The following DPYSL5 variants were observed in gnomAD, a reference collection of about 807,000 sequenced individuals.
DPYSL5 encodes dihydropyrimidinase like 5, also known as dihydropyrimidinase-related protein 5.
A neutral mutation model predicts 58.4 loss-of-function variants in DPYSL5; 9 were observed. The ratio of observed to expected loss-of-function variants is 0.15; its 90% CI spans 0.09 to 0.27. DPYSL5 has a LOEUF of 0.27. DPYSL5 is among the 10% of genes least tolerant of loss of function. The pLI is 1.00. For missense variants in DPYSL5, 499 were observed against 770.6 expected (o/e 0.65, Z 4.17); for synonymous variants, 293 against 301.9 (o/e 0.97, Z 0.31).
At chr2:26,879,034 C>G (rs1220785994) in intron 1 of DPYSL5, among the ~76,000 whole-genome samples, 1 of 152,222 alleles carries the variant, frequency 6.6e-6, no homozygotes, top group East Asian at 1.9e-4. Context: ...GCATATCCTT[C>G]CACTACCAAC....
At position 26,906,956 on chromosome 2, in the gene DPYSL5, C is replaced by T. The variant is rs563942134; in HGVS notation, c.261+8196C>T. Among the ~76,000 whole-genome samples the T allele has an allele frequency of 1.2e-4, 18 of 151,910 alleles. 1 individual carries two copies. In the South Asian group the frequency reaches 1.5e-3, roughly 12 times the overall value. ...TTTTATTTTTATTTTTTGTAGAGAC[C>T]GGATCTTGCTATGTTGCCCAGGCTG... is the stretch of plus-strand genomic sequence containing the variant. On this transcript the variant is annotated intron_variant, in intron 2 of 12. Coordinates refer to ENST00000288699, the MANE Select transcript of DPYSL5 (RefSeq NM_020134.4).
intron 2 of DPYSL5, among the ~76,000 whole-genome samples, chr2:26,916,038 C>T (rs1664553381): frequency 6.6e-6 from 1 of 152,132 alleles, no homozygotes; most frequent in Admixed American, 6.5e-5. Context: ...TCTTAATCAG[C>T]TCTATCTCCA....
chr2:26,916,005 A>G (rs1292902001), intron 2 of DPYSL5, among the ~76,000 whole-genome samples: 2 of 152,088 alleles, frequency 1.3e-5, no homozygotes, highest in Non-Finnish European at 2.9e-5. Context: ...ATTATTAGCA[A>G]TTTTCATCAA....
chr2:26,895,503 T>C lies in DPYSL5; in HGVS notation c.-4-2993T>C, dbSNP rs1162635254. On this transcript the variant is annotated intron_variant, in intron 1 of 12. Coordinates refer to ENST00000288699, the MANE Select transcript of DPYSL5 (RefSeq NM_020134.4). ...ATTTGTTGTGTGCAACATGATGTTT[T>C]GAAGCACATACGCATTGTGGAATGA... 3.2e-4 allele frequency among the ~76,000 whole-genome samples: 48 copies of C among 152,208 alleles called. 1 individual carries two copies. Among genetic ancestry groups the C allele is most frequent in the Non-Finnish European group, 4.4e-5 (3 of 68,036 alleles).
intron 1 of DPYSL5, among the ~76,000 whole-genome samples, chr2:26,888,255 T>TTCTTTCG (rs1553316482): frequency 1.8e-5 from 2 of 108,188 alleles, no homozygotes; most frequent in South Asian, 2.8e-4. Flanking sequence ...CTTTCTTTCT[T>TTCTTTCG]TCTTTCTTTC....
chr2:26,936,270 G>C (rs116362856), intron 8 of DPYSL5, among the ~76,000 whole-genome samples: 1,762 of 152,346 alleles, frequency 0.012, 32 homozygotes, highest in African/African-American at 0.04. Context: ...TGCAGGAGCA[G>C]TGGAGGGAAG....
chr2:26,941,940 A>G lies in DPYSL5; in HGVS notation c.1090-10A>G. On this transcript the variant is annotated splice_polypyrimidine_tract_variant and intron_variant, in intron 9 of 12. Transcript: ENST00000288699. Reference sequence around the variant, plus strand: ...GCCTGGTTGACTTGACACTTTCTGCAACATTTCAGGTTGGAGGAAAGATGG... The same window carrying G: ...GCCTGGTTGACTTGACACTTTCTGCGACATTTCAGGTTGGAGGAAAGATGG... The G allele has an allele frequency of 6.2e-7, 1 of 1,614,112 alleles. No homozygotes were observed. Among genetic ancestry groups the G allele is most frequent in the Non-Finnish European group, 8.5e-7 (1 of 1,180,034 alleles).
intron 2 of DPYSL5, among the ~76,000 whole-genome samples, chr2:26,910,075 C>A (rs1003120450): frequency 3.3e-5 from 5 of 152,134 alleles, no homozygotes; most frequent in Non-Finnish European, 7.4e-5. Flanking sequence ...GATTAGTTTG[C>A]ATTTTCTACT....
chr2:26,944,516 C>A lies in DPYSL5; in HGVS notation c.1441-140C>A. On this transcript the variant is annotated intron_variant, in intron 11 of 12. Coordinates refer to ENST00000288699, the MANE Select transcript of DPYSL5 (RefSeq NM_020134.4). The surrounding 1 kb of genome is among the most constrained non-coding windows in gnomAD (Gnocchi z 4.4). The stretch of plus-strand genomic sequence containing the variant: ...CCCCTGGACTCAATGTTTAAGAAGC[C>A]TTGGTCACTTGCAGTGATTTGGGTC... 2.2e-6 allele frequency: 2 copies of A among 923,134 alleles called. No homozygotes were observed. Among genetic ancestry groups the A allele is most frequent in the Non-Finnish European group, 3.3e-6 (2 of 612,980 alleles). The allele number at this position is 923,134 out of a possible 1,614,324, so 57.2% of individuals were successfully genotyped here.
intron 1 of DPYSL5, among the ~76,000 whole-genome samples, chr2:26,876,551 C>T (rs576792861): frequency 1.4e-4 from 22 of 152,170 alleles, no homozygotes; most frequent in Admixed American, 2.6e-4. Flanking sequence ...GAGTTTTGCT[C>T]GTCACCCAGG....
chr2:26,906,366 T>G (rs1186246319), intron 2 of DPYSL5, among the ~76,000 whole-genome samples: 2 of 151,996 alleles, frequency 1.3e-5, no homozygotes, highest in African/African-American at 4.8e-5. Flanking sequence ...GTATTCTTAG[T>G]AGAGATGAGG....
At position 26,925,562 on chromosome 2, in the gene DPYSL5, A is replaced by G. The variant is rs1478530991; in HGVS notation, c.420+517A>G. Reference sequence around the variant, plus strand: ...GGGCCCAGCTTCTGCTCTGAGAAGCATCGAGGCTGTCCTGGTCTGTGACTG... The same window carrying G: ...GGGCCCAGCTTCTGCTCTGAGAAGCGTCGAGGCTGTCCTGGTCTGTGACTG... On this transcript the variant is annotated intron_variant, in intron 3 of 12. Coordinates refer to ENST00000288699, the MANE Select transcript of DPYSL5 (RefSeq NM_020134.4). The surrounding 1 kb of genome is among the most constrained non-coding windows in gnomAD (Gnocchi z 4.5). 2.6e-5 allele frequency among the ~76,000 whole-genome samples: 4 copies of G among 152,366 alleles called. No individual in the cohort carries two copies. In the East Asian group the frequency reaches 7.7e-4, roughly 29 times the overall value.
At chr2:26,882,234 G>A (rs897217411) in intron 1 of DPYSL5, among the ~76,000 whole-genome samples, 1 of 151,340 alleles carries the variant, frequency 6.6e-6, no homozygotes, top group Non-Finnish European at 1.5e-5. Context: ...TGATTTTAAA[G>A]TACAATATTT....
chr2:26,919,121 G>T (rs373622927), intron 2 of DPYSL5, among the ~76,000 whole-genome samples: 2 of 152,198 alleles, frequency 1.3e-5, no homozygotes, highest in African/African-American at 2.4e-5. Flanking sequence ...ATGCCGTGAT[G>T]TCAGCAAATA....
At chr2:26,885,924 C>T (rs544374197) in intron 1 of DPYSL5, among the ~76,000 whole-genome samples, 11 of 152,194 alleles carry the variant, frequency 7.2e-5, no homozygotes, top group Non-Finnish European at 1.2e-4. Context: ...TCCTGGATGT[C>T]GACCCTGGCC....
intron 9 of DPYSL5, 24 bp downstream of exon 9, chr2:26,940,196 CG>C: frequency 1.2e-6 from 2 of 1,611,538 alleles, no homozygotes; most frequent in Non-Finnish European, 1.7e-6. Flanking sequence ...AGCCCCGCCC[CG>C]ATCTGATCCC....
intron 1 of DPYSL5, among the ~76,000 whole-genome samples, chr2:26,873,710 A>G (rs1236277172): frequency 1.3e-5 from 2 of 152,222 alleles, no homozygotes; most frequent in Admixed American, 1.3e-4. Flanking sequence ...TAAATGGTTG[A>G]ACAAATCAAA....
At chr2:26,931,169 A>ATATGTGTGTG (rs1353719385) in intron 5 of DPYSL5, among the ~76,000 whole-genome samples, 11 of 45,702 alleles carry the variant, frequency 2.4e-4, no homozygotes, top group Non-Finnish European at 4.6e-4. Context: ...ATATATATAT[A>ATATGTGTGTG]TGTGTGTGTG....
At position 26,934,563 on chromosome 2, in the gene DPYSL5, C is replaced by G. The variant is rs1181290515; in HGVS notation, c.791-15C>G. 2 of 1,610,800 alleles carry G rather than the reference C, an allele frequency of 1.2e-6. No individual in the cohort carries two copies. The highest frequency in any genetic ancestry group is 3.3e-5 in the Admixed American group (2 of 59,960). Reference sequence around the variant, plus strand: ...GGTGGCTTCCTGGTTATGGTTCTGACCTTTCTTCTTCCAGGGAAGGTTGTG... The same window carrying G: ...GGTGGCTTCCTGGTTATGGTTCTGAGCTTTCTTCTTCCAGGGAAGGTTGTG... On this transcript the variant is annotated splice_polypyrimidine_tract_variant and intron_variant, in intron 7 of 12. Coordinates refer to ENST00000288699, the MANE Select transcript of DPYSL5 (RefSeq NM_020134.4). This position sits in a 1 kb window ranked among gnomAD's most constrained non-coding sequence, Gnocchi z 4.3.
Sources: gnomAD v4.1 joint callset for allele counts (sites outside exome capture counted in the v4.1 genomes callset) on GRCh38, gnomAD v4.1.1 for gene constraint, Gnocchi (gnomAD v3.1) non-coding constraint, MANE v1.5 for transcripts, NCBI Gene and HGNC (gene_info 2026-07-23, HGNC 2026-07-21) for gene names.